The following HNRNPC variants were observed in gnomAD, a reference collection of about 807,000 sequenced individuals.
HNRNPC encodes the protein heterogeneous nuclear ribonucleoprotein C.
Under a neutral mutation model 33.2 loss-of-function variants are expected in HNRNPC, and 3 were observed. That is an observed-to-expected ratio of 0.09 (90% CI 0.04 to 0.23). The LOEUF is 0.23. Ranked by LOEUF, HNRNPC falls within the 10% of genes least tolerant of loss-of-function variation. HNRNPC has a pLI of 1.00. For missense variants in HNRNPC, 143 were observed against 366.7 expected (o/e 0.39, Z 4.98); for synonymous variants, 121 against 126.7 (o/e 0.96, Z 0.30).
At chr14:21,239,373 G>A (rs143999741) in intron 2 of HNRNPC, among the ~76,000 whole-genome samples, 1,651 of 152,156 alleles carry the variant, frequency 0.011, 18 homozygotes, top group African/African-American at 0.029. Flanking sequence ...CCAGCTATTC[G>A]GGAGGCTGAG....
At chr14:21,235,910 A>T (rs1397875471) in intron 2 of HNRNPC, among the ~76,000 whole-genome samples, 1 of 152,174 alleles carries the variant, frequency 6.6e-6, no homozygotes, top group African/African-American at 2.4e-5. Flanking sequence ...ACTGACCATA[A>T]GGGAAAAAAC....
At chr14:21,213,328 C>T (rs754010816) in intron 5 of HNRNPC, 1 of 521,400 alleles carries the variant, frequency 1.9e-6, no homozygotes, top group Non-Finnish European at 3.4e-6. Context: ...AGTTGTAATA[C>T]TGTAGCAACT....
chr14:21,226,616 C>T (rs889625702), intron 5 of HNRNPC, among the ~76,000 whole-genome samples: 3 of 152,016 alleles, frequency 2.0e-5, no homozygotes, highest in Non-Finnish European at 4.4e-5. Context: ...CAGCACTTTG[C>T]GTGGCCAAGG....
chr14:21,254,859 T>G (rs954284041), intron 2 of HNRNPC, among the ~76,000 whole-genome samples: 1 of 150,212 alleles, frequency 6.7e-6, no homozygotes, highest in African/African-American at 2.5e-5. Context: ...TAGGCGGAGG[T>G]TGCGGTGAGC....
At chr14:21,253,312 T>TAA (rs369876564) in intron 2 of HNRNPC, among the ~76,000 whole-genome samples, 31 of 133,112 alleles carry the variant, frequency 2.3e-4, no homozygotes, top group South Asian at 1.2e-3. Flanking sequence ...CCATCTCTAC[T>TAA]AAAAAAAAAA....
chr14:21,245,592 CTGAG>C (rs1262633944), intron 2 of HNRNPC, among the ~76,000 whole-genome samples: 1 of 152,100 alleles, frequency 6.6e-6, no homozygotes, highest in Non-Finnish European at 1.5e-5. Context: ...GGTGACTGTA[CTGAG>C]TGAGTGGTGG....
intron 5 of HNRNPC, among the ~76,000 whole-genome samples, chr14:21,217,548 T>C (rs1313272496): frequency 6.6e-6 from 1 of 152,210 alleles, no homozygotes; most frequent in Non-Finnish European, 1.5e-5. Context: ...ACCACATTGT[T>C]GGGTTAGCCT....
At chr14:21,219,183 T>A (rs921464500) in intron 5 of HNRNPC, among the ~76,000 whole-genome samples, 1 of 151,468 alleles carries the variant, frequency 6.6e-6, no homozygotes, top group Non-Finnish European at 1.5e-5. Flanking sequence ...TTTATCAACA[T>A]AGAAGAGTAA....
intron 5 of HNRNPC, among the ~76,000 whole-genome samples, chr14:21,229,362 C>CTG (rs1446428402): frequency 8.0e-5 from 6 of 74,742 alleles, no homozygotes; most frequent in African/African-American, 6.0e-4. Context: ...CAGAGCGAGA[C>CTG]TGTCTCAAAA....
chr14:21,259,252 C>G (rs1044702687), intron 2 of HNRNPC, among the ~76,000 whole-genome samples: 1 of 152,180 alleles, frequency 6.6e-6, no homozygotes, highest in African/African-American at 2.4e-5. Flanking sequence ...CTAAGCTTCC[C>G]TGGCAGCATC....
intron 5 of HNRNPC, 40 bp downstream of exon 5, chr14:21,230,279 A>G: frequency 7.0e-7 from 1 of 1,421,100 alleles, no homozygotes; most frequent in East Asian, 2.3e-5. Context: ...GGTTCTCACT[A>G]AATAGCTGTT....
At position 21,231,195 on chromosome 14, in the gene HNRNPC, T is replaced by G. The variant is rs145319195; in HGVS notation, c.242-123A>C. 1,704 of 932,802 alleles carry G rather than the reference T, an allele frequency of 1.8e-3. 20 individuals are homozygous for G. In the African/African-American group the frequency reaches 0.02, roughly 11 times the overall value. The allele number at this position is 932,802 out of a possible 1,614,324, so 57.8% of individuals were successfully genotyped here. On this transcript the variant is annotated intron_variant, in intron 3 of 8. Transcript: ENST00000553300. ...TCTCGCTCAGGCTGGAGTGCAGTGG[T>G]GTCACCTTGGCTCACTGAAACCTCT... is the stretch of plus-strand genomic sequence containing the variant.
At chr14:21,250,678 T>C (rs1336020018) in intron 2 of HNRNPC, among the ~76,000 whole-genome samples, 1 of 152,214 alleles carries the variant, frequency 6.6e-6, no homozygotes, top group Non-Finnish European at 1.5e-5. Flanking sequence ...TGTCATGTTT[T>C]ATATTGTATT....
chr14:21,252,105 A>G (rs766450745), intron 2 of HNRNPC, among the ~76,000 whole-genome samples: 1 of 152,212 alleles, frequency 6.6e-6, no homozygotes, highest in African/African-American at 2.4e-5. Flanking sequence ...GAGTATAACC[A>G]TAAGACCCCC....
chr14:21,254,857 G>A (rs1876877360), intron 2 of HNRNPC, among the ~76,000 whole-genome samples: 1 of 151,872 alleles, frequency 6.6e-6, no homozygotes, highest in African/African-American at 2.4e-5. Context: ...GGTAGGCGGA[G>A]GTTGCGGTGA....
chr14:21,251,332 A>G (rs1283543910), intron 2 of HNRNPC, among the ~76,000 whole-genome samples: 1 of 149,208 alleles, frequency 6.7e-6, no homozygotes, highest in African/African-American at 2.5e-5. Context: ...TTTATCAGTG[A>G]CCTCAGACTG....
chr14:21,256,863 A>G (rs1877310783), intron 2 of HNRNPC, among the ~76,000 whole-genome samples: 1 of 152,134 alleles, frequency 6.6e-6, no homozygotes, highest in Non-Finnish European at 1.5e-5. Flanking sequence ...CATGTTGCCC[A>G]GGCCGGTCTC....
intron 1 of HNRNPC, chr14:21,268,633 G>A (rs1449166973): frequency 2.0e-5 from 3 of 152,116 alleles, no homozygotes; most frequent in East Asian, 1.9e-4. Flanking sequence ...CTCAAGCAAA[G>A]TTCCACTAAC....
chr14:21,237,784 T>G (rs761909990), intron 2 of HNRNPC, among the ~76,000 whole-genome samples: 1 of 152,106 alleles, frequency 6.6e-6, no homozygotes, highest in East Asian at 1.9e-4. Flanking sequence ...TTTTTTTTAA[T>G]TTTTTTGAGT....
Sources: allele counts gnomAD v4.1 joint callset (sites outside exome capture counted in the v4.1 genomes callset), GRCh38; gene constraint gnomAD v4.1.1; transcripts MANE v1.5; gene names NCBI Gene and HGNC (gene_info 2026-07-23, HGNC 2026-07-21).